The following TOM1L2 variants were observed in gnomAD, a reference collection of about 807,000 sequenced individuals.
TOM1L2 encodes TOM1-like protein 2.
A neutral mutation model predicts 67.9 loss-of-function variants in TOM1L2; 31 were observed. That is an observed-to-expected ratio of 0.46 (90% CI 0.34 to 0.62). The LOEUF is 0.62. Among genes scored for constraint, TOM1L2 ranks in the 20% least tolerant of loss-of-function variants. The probability of loss-of-function intolerance (pLI) is 0.01; values close to 1 mark genes in which losing one functional copy is unlikely to be tolerated. For missense variants in TOM1L2, 606 were observed against 663.5 expected (o/e 0.91, Z 0.95); for synonymous variants, 256 against 254.0 (o/e 1.01, Z -0.07).
At chr17:17,917,573 A>C (rs980407600) in intron 1 of TOM1L2, among the ~76,000 whole-genome samples, 2 of 146,430 alleles carry the variant, frequency 1.4e-5, no homozygotes, top group Non-Finnish European at 3.0e-5. Flanking sequence ...AGCTGGGAAT[A>C]CATGTGCATG....
intron 12 of TOM1L2, among the ~76,000 whole-genome samples, chr17:17,856,520 T>C (rs945164926): frequency 6.6e-6 from 1 of 152,246 alleles, no homozygotes; most frequent in Non-Finnish European, 1.5e-5. Flanking sequence ...TACTCACTGG[T>C]CACGCTTTGC....
intron 1 of TOM1L2, among the ~76,000 whole-genome samples, chr17:17,953,019 G>A (rs1283862350): frequency 2.6e-5 from 4 of 152,124 alleles, no homozygotes; most frequent in African/African-American, 7.2e-5. Flanking sequence ...CCAACAGACT[G>A]GTCCCCACCC....
chr17:17,949,936 T>C (rs952569995), intron 1 of TOM1L2, among the ~76,000 whole-genome samples: 2 of 152,188 alleles, frequency 1.3e-5, no homozygotes, highest in African/African-American at 4.8e-5. Flanking sequence ...AGTGGCACAA[T>C]CTCAACTCAC....
At chr17:17,967,931 C>G (rs1411062451) in intron 1 of TOM1L2, among the ~76,000 whole-genome samples, 1 of 152,128 alleles carries the variant, frequency 6.6e-6, no homozygotes, top group Non-Finnish European at 1.5e-5. Context: ...CTAAACCATG[C>G]TTTCTACTCA....
intron 1 of TOM1L2, among the ~76,000 whole-genome samples, chr17:17,915,842 T>A (rs911712487): frequency 1.3e-4 from 4 of 30,448 alleles, no homozygotes; most frequent in Non-Finnish European, 1.8e-4. Context: ...ACTGAGTAGG[T>A]TTTTTTTTTT....
intron 1 of TOM1L2, among the ~76,000 whole-genome samples, chr17:17,950,663 T>G (rs1029670101): frequency 9.9e-5 from 15 of 152,200 alleles, no homozygotes; most frequent in Admixed American, 2.0e-4. Flanking sequence ...TTTCAATGTA[T>G]TTATTTATTT....
chr17:17,916,721 T>C (rs1233683053), intron 1 of TOM1L2, among the ~76,000 whole-genome samples: 2 of 152,218 alleles, frequency 1.3e-5, no homozygotes, highest in Admixed American at 6.5e-5. Flanking sequence ...CCAACTTTGT[T>C]CTTTTTAAAG....
chr17:17,894,392 T>C (rs1234297201), intron 3 of TOM1L2, among the ~76,000 whole-genome samples: 1 of 152,230 alleles, frequency 6.6e-6, no homozygotes, highest in East Asian at 1.9e-4. Flanking sequence ...TTAATGTCCA[T>C]GTTCAATTCA....
intron 1 of TOM1L2, among the ~76,000 whole-genome samples, chr17:17,966,208 A>G (rs2041866206): frequency 6.6e-6 from 1 of 152,022 alleles, no homozygotes; most frequent in African/African-American, 2.4e-5. Context: ...CCCCTCCTAC[A>G]TTTCCTTACT....
At chr17:17,886,965 G>A (rs913324756) in intron 4 of TOM1L2, among the ~76,000 whole-genome samples, 6 of 152,258 alleles carry the variant, frequency 3.9e-5, no homozygotes, top group African/African-American at 1.4e-4. Flanking sequence ...CCAGGGCCAT[G>A]TGCCAGCACA....
Position 17,846,867 on chromosome 17 carries a change from T to C in TOM1L2, c.*768A>G, listed in dbSNP as rs1011423440. On this transcript the variant is annotated 3_prime_UTR_variant, in exon 15 of 15. Transcript: ENST00000379504. The stretch of plus-strand genomic sequence containing the variant: ...AGTGTGTGCGTGGCAGTTTGGTTTA[T>C]TGGTAGTGTCGTCTCAGCAGCGTGC... 2 of 152,428 alleles carry C rather than the reference T, an allele frequency of 1.3e-5. No individual in the cohort carries two copies. The highest frequency in any genetic ancestry group is 6.5e-5 in the Admixed American group (1 of 15,284). 9.4% of individuals were successfully genotyped at this position (152,428 alleles called of 1,614,324 possible).
rs372423345 is a variant in TOM1L2, at chr17:17,862,720, G to T, written c.1202+11C>A. On this transcript the variant is annotated intron_variant, in intron 11 of 14. Coordinates refer to ENST00000379504, the MANE Select transcript of TOM1L2 (RefSeq NM_001082968.2). Reference sequence around the variant, plus strand: ...TATCTTTAGAGAGCCACTAAAAGGGGCCCCACATACGTCTTGCGCTGCTCA... The same window carrying T: ...TATCTTTAGAGAGCCACTAAAAGGGTCCCCACATACGTCTTGCGCTGCTCA... 5.6e-6 allele frequency: 9 copies of T among 1,609,702 alleles called. No homozygotes were observed. In the African/African-American group the frequency reaches 1.2e-4, roughly 22 times the overall value.
intron 7 of TOM1L2, among the ~76,000 whole-genome samples, chr17:17,878,891 T>C (rs570187748): frequency 6.6e-6 from 1 of 152,318 alleles, no homozygotes; most frequent in South Asian, 2.1e-4. Flanking sequence ...GTGGTGGAGA[T>C]CTGGGCACTG....
chr17:17,884,588 C>T (rs201589396), intron 5 of TOM1L2, 46 bp downstream of exon 5: 2 of 1,610,560 alleles, frequency 1.2e-6, no homozygotes, highest in Non-Finnish European at 1.7e-6. Flanking sequence ...CTTGGCTCAC[C>T]CGTTCTGCAG....
rs2036113036 is a variant in TOM1L2, at chr17:17,853,637, G to A, written c.1279-2685C>T. Reference sequence around the variant, plus strand: ...AAATAAGTAGTATGTTTATGGAATGGCATCCTCCAGACCAAGCCCTAGAGG... The same window carrying A: ...AAATAAGTAGTATGTTTATGGAATGACATCCTCCAGACCAAGCCCTAGAGG... On this transcript the variant is annotated intron_variant, in intron 12 of 14. Coordinates refer to ENST00000379504, the MANE Select transcript of TOM1L2 (RefSeq NM_001082968.2). Among the ~76,000 whole-genome samples, 4 of 152,298 alleles carry A rather than the reference G, an allele frequency of 2.6e-5. No homozygotes were observed. In the South Asian group the frequency reaches 8.3e-4, roughly 32 times the overall value.
chr17:17,931,181 T>A (rs1184035187), intron 1 of TOM1L2, among the ~76,000 whole-genome samples: 1 of 152,054 alleles, frequency 6.6e-6, no homozygotes, highest in Non-Finnish European at 1.5e-5. Flanking sequence ...CAAGAACACA[T>A]CCCCACCTTT....
chr17:17,926,629 G>T (rs906966662), intron 1 of TOM1L2, among the ~76,000 whole-genome samples: 1 of 152,046 alleles, frequency 6.6e-6, no homozygotes, highest in Admixed American at 6.6e-5. Context: ...TTTGGAGGCC[G>T]AGGCGGGCGG....
intron 1 of TOM1L2, among the ~76,000 whole-genome samples, chr17:17,947,608 CTA>C (rs1443180573): frequency 1.3e-5 from 2 of 152,194 alleles, no homozygotes; most frequent in Admixed American, 1.3e-4. Context: ...GCCTCCAGAA[CTA>C]TGAGAAAATA....
intron 14 of TOM1L2, 124 bp downstream of exon 14, chr17:17,848,699 G>A: frequency 9.4e-7 from 1 of 1,062,558 alleles, no homozygotes; most frequent in Non-Finnish European, 1.4e-6. Context: ...TGAAGCCCAT[G>A]GCTCAGGGCC....
Sources: allele counts gnomAD v4.1 joint callset (sites outside exome capture counted in the v4.1 genomes callset), GRCh38; gene constraint gnomAD v4.1.1; transcripts MANE v1.5; gene names NCBI Gene and HGNC (gene_info 2026-07-23, HGNC 2026-07-21).